TMEM132B: variants seen among roughly 807,000 people sequenced by gnomAD.
TMEM132B encodes transmembrane protein 132B.
In TMEM132B, 18 loss-of-function variants were observed where a neutral mutation model predicts 90.8. The observed-to-expected ratio is 0.20, with a 90% CI of 0.14 to 0.29. The LOEUF (loss-of-function observed/expected upper bound fraction) is 0.29. Ranked by LOEUF, TMEM132B falls within the 10% of genes least tolerant of loss-of-function variation. TMEM132B has a pLI of 1.00. For synonymous variants in TMEM132B, 504 were observed against 523.3 expected (o/e 0.96, Z 0.50); for missense variants, 1,096 against 1,326.8 (o/e 0.83, Z 2.70).
At chr12:125,192,028 G>A (rs1237146524) in intron 1 of TMEM132B, among the ~76,000 whole-genome samples, 1 of 152,216 alleles carries the variant, frequency 6.6e-6, no homozygotes. Flanking sequence ...GCTGATTGGG[G>A]ACACGTGCTG....
chr12:125,363,861 G>A (rs1343507933), intron 2 of TMEM132B, among the ~76,000 whole-genome samples: 1 of 152,060 alleles, frequency 6.6e-6, no homozygotes, highest in Non-Finnish European at 1.5e-5. Context: ...ATCTTGAGAT[G>A]GTTTAATAGA....
chr12:125,588,676 A>C (rs1885235015), intron 5 of TMEM132B, among the ~76,000 whole-genome samples: 1 of 152,194 alleles, frequency 6.6e-6, no homozygotes, highest in African/African-American at 2.4e-5. Flanking sequence ...TTTTAAAAAA[A>C]TGTTTTCCTG....
In TMEM132B at chr12:125,411,152, T is replaced by TGGAGTGGAGG. The variant is rs1566027523; in HGVS notation, c.960-4375_960-4374insTGGAGGGGAG. Among the ~76,000 whole-genome samples, 3 of 24,528 alleles carry TGGAGTGGAGG rather than the reference T, an allele frequency of 1.2e-4. 1 individual carries two copies. The highest frequency in any genetic ancestry group is 1.2e-3 in the Admixed American group (3 of 2,530). 16.1% of individuals were successfully genotyped at this position (24,528 alleles called of 152,430 possible). ...AGTGAGTGGAGTGGAGTGAGTGGAG[T>TGGAGTGGAGG]GGAGGAGTGGAGTGGAGTGGAGTGG... On this transcript the variant is annotated intron_variant, in intron 2 of 8. Coordinates refer to ENST00000682704, the MANE Select transcript of TMEM132B (RefSeq NM_001366854.1).
Position 125,488,541 on chromosome 12 carries a change from TG to T in TMEM132B, c.1107-30895del, listed in dbSNP as rs148450996. 5.9e-3 allele frequency among the ~76,000 whole-genome samples: 903 copies of T among 152,292 alleles called. 5 individuals are homozygous for T. The highest frequency in any genetic ancestry group is 0.02 in the African/African-American group (841 of 41,544). On this transcript the variant is annotated intron_variant, in intron 3 of 8. Transcript: ENST00000682704. ...TCATGAGATCTGATGGTTTTAAAAA[TG>T]GGAACTGCCCTGCACAAGCTCTCTC...
intron 1 of TMEM132B, among the ~76,000 whole-genome samples, chr12:125,262,245 C>CAAAA (rs11307058): frequency 4.7e-5 from 4 of 84,282 alleles, no homozygotes; most frequent in Admixed American, 1.4e-4. Context: ...CCTGTTTCTA[C>CAAAA]AAAAAAAAAA....
At position 125,530,530 on chromosome 12, in the gene TMEM132B, A is replaced by G. The variant is rs895579922; in HGVS notation, c.1293+10905A>G. Among the ~76,000 whole-genome samples the G allele has an allele frequency of 2.6e-5, 4 of 152,354 alleles. No homozygotes were observed. In the South Asian group the frequency reaches 8.3e-4, roughly 32 times the overall value. Reference sequence around the variant, plus strand: ...TAGGGCTGCAGTAACAAATTACCCCAAACTAGGTGGCTTAAAACAATAGGA... The same window carrying G: ...TAGGGCTGCAGTAACAAATTACCCCGAACTAGGTGGCTTAAAACAATAGGA... On this transcript the variant is annotated intron_variant, in intron 4 of 8. Coordinates refer to ENST00000682704, the MANE Select transcript of TMEM132B (RefSeq NM_001366854.1).
intron 4 of TMEM132B, among the ~76,000 whole-genome samples, chr12:125,552,306 A>G (rs956026343): frequency 6.6e-6 from 1 of 152,234 alleles, no homozygotes; most frequent in Admixed American, 6.5e-5. Context: ...CAGGGTTAAT[A>G]TAGGCTAATG....
intron 3 of TMEM132B, among the ~76,000 whole-genome samples, chr12:125,481,754 T>G (rs945588938): frequency 6.6e-6 from 1 of 152,136 alleles, no homozygotes; most frequent in Non-Finnish European, 1.5e-5. Context: ...AAAAACTACT[T>G]TAAAGTTCAT....
At chr12:125,265,167 A>G (rs754921535) in intron 1 of TMEM132B, among the ~76,000 whole-genome samples, 5 of 152,220 alleles carry the variant, frequency 3.3e-5, no homozygotes, top group Non-Finnish European at 7.3e-5. Flanking sequence ...CAGGGTATGC[A>G]TGGTCTGTTG....
At position 125,548,923 on chromosome 12, in the gene TMEM132B, G is replaced by A. The variant is rs73416306; in HGVS notation, c.1293+29298G>A. Among the ~76,000 whole-genome samples, 879 of 152,168 alleles carry A rather than the reference G, an allele frequency of 5.8e-3. 9 individuals carry two copies. The highest frequency in any genetic ancestry group is 0.019 in the African/African-American group (809 of 41,526). On this transcript the variant is annotated intron_variant, in intron 4 of 8. Coordinates refer to ENST00000682704, the MANE Select transcript of TMEM132B (RefSeq NM_001366854.1). ...TACATAGGCCCTTTTTTGATGGGGA[G>A]CCCCTGAGCCAGTTTCCTGTGTTAC...
At chr12:125,265,258 G>A (rs1025872090) in intron 1 of TMEM132B, among the ~76,000 whole-genome samples, 2 of 152,200 alleles carry the variant, frequency 1.3e-5, no homozygotes, top group Non-Finnish European at 2.9e-5. Context: ...TACATTGCAA[G>A]ATCCCCAGTG....
intron 1 of TMEM132B, among the ~76,000 whole-genome samples, chr12:125,236,890 C>T (rs1873949090): frequency 6.6e-6 from 1 of 152,182 alleles, no homozygotes; most frequent in Non-Finnish European, 1.5e-5. Context: ...GATTTGGGTA[C>T]CTGTAGTGCA....
rs1879494608 is a variant in TMEM132B, at chr12:125,406,702, G to C, written c.960-8829G>C. On this transcript the variant is annotated intron_variant, in intron 2 of 8. Transcript: ENST00000682704. This position sits in a 1 kb window ranked among gnomAD's most constrained non-coding sequence, Gnocchi z 8.3. ...GCCCATGGCAGACAGTGAAAGACTTGACCCACCCACTGGAAAGCTGGGAAG... is the reference window on the plus strand; with the variant it reads ...GCCCATGGCAGACAGTGAAAGACTTCACCCACCCACTGGAAAGCTGGGAAG... Among the ~76,000 whole-genome samples, 1 of 152,144 alleles carries C rather than the reference G, an allele frequency of 6.6e-6. No individual in the cohort carries two copies. The highest frequency in any genetic ancestry group is 6.5e-5 in the Admixed American group (1 of 15,276).
At position 125,455,574 on chromosome 12, in the gene TMEM132B, C is replaced by A. The variant is rs894242561; in HGVS notation, c.1106+39897C>A. 2.0e-5 allele frequency among the ~76,000 whole-genome samples: 3 copies of A among 151,828 alleles called. No homozygotes were observed. The East Asian group carries it at 5.8e-4, about 29-fold the overall frequency. The stretch of plus-strand genomic sequence containing the variant: ...TTTTGGTGGGGGCAGTGTCTTTATT[C>A]TTTCTTTACTATTTTCTGAGTTCCC... On this transcript the variant is annotated intron_variant, in intron 3 of 8. Coordinates refer to ENST00000682704, the MANE Select transcript of TMEM132B (RefSeq NM_001366854.1).
At chr12:125,452,425 C>A (rs1881178134) in intron 3 of TMEM132B, among the ~76,000 whole-genome samples, 1 of 152,158 alleles carries the variant, frequency 6.6e-6, no homozygotes, top group Non-Finnish European at 1.5e-5. Context: ...TGTACTGTTT[C>A]TAATAATGAT....
intron 3 of TMEM132B, among the ~76,000 whole-genome samples, chr12:125,515,433 A>ACACG (rs58101915): frequency 1.3e-5 from 2 of 151,368 alleles, no homozygotes; most frequent in South Asian, 4.2e-4. Flanking sequence ...ACACTCTCAC[A>ACACG]CATACACACA....
chr12:125,454,934 G>C (rs1881251462), intron 3 of TMEM132B, among the ~76,000 whole-genome samples: 1 of 152,210 alleles, frequency 6.6e-6, no homozygotes, highest in African/African-American at 2.4e-5. Context: ...TAAAATTCCT[G>C]CACTGAATTG....
In TMEM132B at chr12:125,238,375, A is replaced by AC. The variant is rs776833890; in HGVS notation, c.67+51509_67+51510insC. Among the ~76,000 whole-genome samples, 115 of 146,978 alleles carry AC rather than the reference A, an allele frequency of 7.8e-4. 5 individuals carry two copies. The highest frequency in any genetic ancestry group is 1.3e-3 in the Non-Finnish European group (89 of 66,536). On this transcript the variant is annotated intron_variant, in intron 1 of 8. Transcript: ENST00000682704. The stretch of plus-strand genomic sequence containing the variant: ...CTCAAAAAAAAAAAACCAAAAAAAA[A>AC]ACAAAAAAAAACCAAAAAAACAAAA...
intron 1 of TMEM132B, among the ~76,000 whole-genome samples, chr12:125,317,879 A>G (rs1593082232): frequency 6.6e-6 from 1 of 152,282 alleles, no homozygotes; most frequent in Non-Finnish European, 1.5e-5. Flanking sequence ...TGGAAATGCA[A>G]ATATAAACAC....
Sources: allele counts gnomAD v4.1 joint callset (sites outside exome capture counted in the v4.1 genomes callset), GRCh38; gene constraint gnomAD v4.1.1; non-coding constraint Gnocchi (gnomAD v3.1); transcripts MANE v1.5; gene names NCBI Gene and HGNC (gene_info 2026-07-23, HGNC 2026-07-21).